Variants in CNTN1 observed in about 807,000 individuals in gnomAD.
The protein encoded by CNTN1 is contactin-1.
A neutral mutation model predicts 126.4 loss-of-function variants in CNTN1; 38 were observed. The ratio of observed to expected loss-of-function variants is 0.30; its 90% CI spans 0.23 to 0.39. The LOEUF is 0.39. Among genes scored for constraint, CNTN1 ranks in the 10% least tolerant of loss-of-function variants. The pLI is 1.00. For missense variants in CNTN1, 1,009 were observed against 1,248.4 expected, an observed-to-expected ratio of 0.81 and a Z score of 2.89; for synonymous variants, 413 against 422.6, an observed-to-expected ratio of 0.98 and a Z score of 0.28.
At chr12:40,935,563 C>A (rs903304493) in intron 9 of CNTN1, among the ~76,000 whole-genome samples, 1 of 152,068 alleles carries the variant, frequency 6.6e-6, no homozygotes, top group African/African-American at 2.4e-5. Flanking sequence ...TTATTCATTA[C>A]ATGATGTAAT....
rs1944161292 is a variant in CNTN1, at chr12:40,889,313, G to A, written c.-76-19044G>A. 2.0e-5 allele frequency among the ~76,000 whole-genome samples: 3 copies of A among 152,276 alleles called. No individual in the cohort carries two copies. In the South Asian group the frequency reaches 6.2e-4, roughly 32 times the overall value. ...ATTAGAAAGAAAACAAAACAAAATT[G>A]TTAAGAGTCAAATATAGTGGTCCAG... On this transcript the variant is annotated intron_variant, in intron 1 of 23. Transcript: ENST00000551295.
chr12:40,710,223 A>G (rs1309989603), intron 1 of CNTN1, among the ~76,000 whole-genome samples: 1 of 152,114 alleles, frequency 6.6e-6, no homozygotes, highest in Non-Finnish European at 1.5e-5. Flanking sequence ...TATCTGAACT[A>G]ATTTCAATAT....
chr12:40,728,424 A>G (rs541945971), intron 1 of CNTN1, among the ~76,000 whole-genome samples: 1 of 152,164 alleles, frequency 6.6e-6, no homozygotes, highest in Non-Finnish European at 1.5e-5. Context: ...GACCTAAAAA[A>G]AGGCAACTAG....
At chr12:40,773,677 A>G (rs560238695) in intron 1 of CNTN1, among the ~76,000 whole-genome samples, 12 of 7,128 alleles carry the variant, frequency 1.7e-3, no homozygotes, top group Middle Eastern at 0.05. Flanking sequence ...ATATATACAC[A>G]TATATATATA....
chr12:40,883,039 A>T (rs1943919673), intron 1 of CNTN1, among the ~76,000 whole-genome samples: 1 of 151,562 alleles, frequency 6.6e-6, no homozygotes, highest in African/African-American at 2.4e-5. Context: ...TATGTCTTGC[A>T]CAATATATAT....
intron 23 of CNTN1, among the ~76,000 whole-genome samples, chr12:41,053,423 CACTA>C (rs1949729336): frequency 2.1e-5 from 1 of 48,512 alleles, no homozygotes; most frequent in Non-Finnish European, 3.4e-5. Context: ...TTCATGTTTT[CACTA>C]AATATATATA....
intron 1 of CNTN1, among the ~76,000 whole-genome samples, chr12:40,741,074 C>CTA (rs1455692035): frequency 2.0e-5 from 3 of 151,952 alleles, no homozygotes; most frequent in South Asian, 2.1e-4. Context: ...TCCTAGCATC[C>CTA]TATATATATA....
At chr12:40,960,156 T>G (rs1353033272) in intron 15 of CNTN1, among the ~76,000 whole-genome samples, 2 of 152,022 alleles carry the variant, frequency 1.3e-5, no homozygotes, top group East Asian at 3.9e-4. Context: ...ATATATTGCT[T>G]TCTCTCATAT....
chr12:40,949,036 T>G (rs568042546), intron 14 of CNTN1, among the ~76,000 whole-genome samples: 1 of 152,170 alleles, frequency 6.6e-6, no homozygotes, highest in African/African-American at 2.4e-5. Context: ...CCAAACGTTA[T>G]TTTCCTTTTT....
intron 1 of CNTN1, among the ~76,000 whole-genome samples, chr12:40,771,253 T>C (rs1307330293): frequency 6.6e-6 from 1 of 152,106 alleles, no homozygotes; most frequent in African/African-American, 2.4e-5. Flanking sequence ...TATTAGAATC[T>C]GGGCTAGAAC....
chr12:40,808,055 A>G (rs1003954691), intron 1 of CNTN1, among the ~76,000 whole-genome samples: 1 of 152,166 alleles, frequency 6.6e-6, no homozygotes, highest in Non-Finnish European at 1.5e-5. Context: ...TGTCAATGGT[A>G]AAAGTACAGA....
intron 1 of CNTN1, among the ~76,000 whole-genome samples, chr12:40,773,631 C>CTG (rs1281372472): frequency 2.3e-4 from 19 of 82,816 alleles, no homozygotes; most frequent in South Asian, 8.0e-4. Context: ...TGACCAGAAA[C>CTG]TGTATATATA....
chr12:40,973,231 T>A (rs181010816), intron 15 of CNTN1, among the ~76,000 whole-genome samples: 8 of 152,258 alleles, frequency 5.3e-5, no homozygotes, highest in Middle Eastern at 3.4e-3. Flanking sequence ...AGATATTTAA[T>A]AAGATTCAGC....
chr12:40,784,119 G>T (rs1178868688), intron 1 of CNTN1, among the ~76,000 whole-genome samples: 1 of 152,072 alleles, frequency 6.6e-6, no homozygotes. Context: ...TGACTGGGTG[G>T]TTCAGGACTA....
intron 14 of CNTN1, among the ~76,000 whole-genome samples, chr12:40,950,336 A>T (rs1040460585): frequency 4.6e-5 from 7 of 152,172 alleles, no homozygotes; most frequent in African/African-American, 1.7e-4. Context: ...AAACAAAGAG[A>T]TGTTATATTG....
intron 1 of CNTN1, among the ~76,000 whole-genome samples, chr12:40,801,199 G>A (rs992409325): frequency 7.2e-5 from 11 of 151,776 alleles, no homozygotes; most frequent in African/African-American, 2.4e-4. Flanking sequence ...ACTCCATCAC[G>A]GTAAATGGTA....
At chr12:40,785,027 A>G (rs10748156) in intron 1 of CNTN1, among the ~76,000 whole-genome samples, 146,105 of 152,156 alleles carry the variant, frequency 0.96, 70,397 homozygotes, top group East Asian at 1. Flanking sequence ...TGAGTAAATC[A>G]TCTGAAAATT....
intron 1 of CNTN1, among the ~76,000 whole-genome samples, chr12:40,822,198 A>ATAGG (rs1230807628): frequency 9.4e-6 from 1 of 106,372 alleles, no homozygotes; most frequent in African/African-American, 3.7e-5. Context: ...TCTGTCACCT[A>ATAGG]GGCTGGAGTG....
chr12:40,922,319 C>T lies in CNTN1; in HGVS notation c.291C>T (p.Asn97=), dbSNP rs1412427296. 1 of 1,613,896 alleles carries T rather than the reference C, an allele frequency of 6.2e-7. No individual in the cohort carries two copies. Among genetic ancestry groups the T allele is most frequent in the East Asian group, 2.2e-5 (1 of 44,872 alleles). Residue 97 remains asparagine (N), a synonymous_variant, in exon 5 of 24, where the codon AAC becomes AAT. Transcript: ENST00000551295. ...ATCGATACAGTATGGTAGGAGGAAA[C>T]CTTGTTATCAACAACCCTGACAAAC... The part of the protein sequence containing the change: ...TSDRYSMVGG[N]LVINNPDKQK...
Sources: gnomAD v4.1 joint callset for allele counts (sites outside exome capture counted in the v4.1 genomes callset) on GRCh38, gnomAD v4.1.1 for gene constraint, MANE v1.5 for transcripts, NCBI Gene and HGNC (gene_info 2026-07-23, HGNC 2026-07-21) for gene names.